GRWD1: variants seen among roughly 807,000 people sequenced by gnomAD.
GRWD1 encodes the protein glutamate-rich WD repeat-containing protein 1.
In GRWD1, 29 loss-of-function variants were observed where a neutral mutation model predicts 45.3. The observed-to-expected ratio is 0.64, with a 90% CI of 0.48 to 0.87. The LOEUF (loss-of-function observed/expected upper bound fraction) is 0.87. Among genes scored for constraint, GRWD1 ranks in the 40% least tolerant of loss-of-function variants. The probability of loss-of-function intolerance (pLI) is 0.00; values close to 1 mark genes in which losing one functional copy is unlikely to be tolerated. For synonymous variants in GRWD1, 262 were observed against 257.6 expected, an observed-to-expected ratio of 1.02 and a Z score of -0.16; for missense variants, 592 against 618.8, an observed-to-expected ratio of 0.96 and a Z score of 0.46.
At chr19:48,449,810 G>A (rs1255786499) in intron 3 of GRWD1, among the ~76,000 whole-genome samples, 1 of 152,144 alleles carries the variant, frequency 6.6e-6, no homozygotes, top group African/African-American at 2.4e-5. Flanking sequence ...AACAGAGCGG[G>A]ACCCTGTCTC....
chr19:48,452,620 C>A lies in GRWD1; in HGVS notation c.1024-88C>A. On this transcript the variant is annotated intron_variant, in intron 6 of 6. Coordinates refer to ENST00000253237, the MANE Select transcript of GRWD1 (RefSeq NM_031485.4). The surrounding 1 kb of genome is among the most constrained non-coding windows in gnomAD (Gnocchi z 5.1). ...GTGGGGCCCTGGCTGAACCCTGAGG[C>A]TGGAGAAGGGTTGGGGCTTCTGCCT... 1 of 1,154,016 alleles carries A rather than the reference C, an allele frequency of 8.7e-7. No homozygotes were observed. The highest frequency in any genetic ancestry group is 1.5e-5 in the South Asian group (1 of 67,172). 71.5% of individuals were successfully genotyped at this position (1,154,016 alleles called of 1,614,324 possible).
Position 48,454,906 on chromosome 19 carries a change from A to G in GRWD1, c.*1881A>G, listed in dbSNP as rs1452454569. ...TCTCTCTCTGCCTCTCTCTGTCTTC[A>G]CAATTTCATCTCCCCATGTCGCCAT... On this transcript the variant is annotated 3_prime_UTR_variant, in exon 7 of 7. Transcript: ENST00000253237. 1 of 150,356 alleles carries G rather than the reference A, an allele frequency of 6.7e-6. No homozygotes were observed. The highest frequency in any genetic ancestry group is 2.0e-4 in the East Asian group (1 of 5,082). The allele number at this position is 150,356 out of a possible 1,614,324, so 9.3% of individuals were successfully genotyped here.
Position 48,452,006 on chromosome 19 carries a change from C to T in GRWD1, c.1024-702C>T, listed in dbSNP as rs1971480405. Among the ~76,000 whole-genome samples the T allele has an allele frequency of 6.6e-6, 1 of 152,132 alleles. No homozygotes were observed. Among genetic ancestry groups the T allele is most frequent in the African/African-American group, 2.4e-5 (1 of 41,426 alleles). On this transcript the variant is annotated intron_variant, in intron 6 of 6. Transcript: ENST00000253237. The surrounding 1 kb of genome is among the most constrained non-coding windows in gnomAD (Gnocchi z 5.1). ...TCTTAGTCTTTCTTTGGGTCGGCTTCCGGGGATTGTGTTTCTGCCTCCTTT... is the reference window on the plus strand; with the variant it reads ...TCTTAGTCTTTCTTTGGGTCGGCTTTCGGGGATTGTGTTTCTGCCTCCTTT...
intron 1 of GRWD1, 78 bp from the exon 2 acceptor site, chr19:48,446,307 C>T (rs202023587): frequency 3.9e-6 from 6 of 1,548,958 alleles, no homozygotes; most frequent in Admixed American, 3.4e-5. Flanking sequence ...ATACCGGAGG[C>T]GGTTGATCCA....
chr19:48,447,434 G>A (rs1381851293), intron 3 of GRWD1, among the ~76,000 whole-genome samples: 5 of 151,582 alleles, frequency 3.3e-5, no homozygotes, highest in Non-Finnish European at 7.4e-5. Flanking sequence ...GTAGGGACGG[G>A]GTTTCACAAT....
At position 48,452,169 on chromosome 19, in the gene GRWD1, G is replaced by T. The variant is rs539637141; in HGVS notation, c.1024-539G>T. Among the ~76,000 whole-genome samples, 11 of 150,366 alleles carry T rather than the reference G, an allele frequency of 7.3e-5. No homozygotes were observed. The East Asian group carries it at 1.8e-3, about 24-fold the overall frequency. On this transcript the variant is annotated intron_variant, in intron 6 of 6. Coordinates refer to ENST00000253237, the MANE Select transcript of GRWD1 (RefSeq NM_031485.4). This position sits in a 1 kb window ranked among gnomAD's most constrained non-coding sequence, Gnocchi z 5.1. ...GGCTGGAGTGCAGTGGCGCAATCTCGGCTCACTGCAACCTCCCGCTCCTGG... is the reference window on the plus strand; with the variant it reads ...GGCTGGAGTGCAGTGGCGCAATCTCTGCTCACTGCAACCTCCCGCTCCTGG...
At position 48,450,755 on chromosome 19, in the gene GRWD1, G is replaced by A. The variant is rs779219307; in HGVS notation, c.772G>A (p.Val258Met). 4.3e-6 allele frequency: 7 copies of A among 1,613,952 alleles called. No individual in the cohort carries two copies. The highest frequency in any genetic ancestry group is 2.7e-5 in the African/African-American group (2 of 74,916). Reference sequence around the variant, plus strand: ...CTGGCACGTGGACCAGCGGCCATTCGTGGGCCACACACGCTCTGTGGAGGA... The same window carrying A: ...CTGGCACGTGGACCAGCGGCCATTCATGGGCCACACACGCTCTGTGGAGGA... ...GSWHVDQRPF[V>M]GHTRSVEDLQ... is the part of the protein sequence containing the mutation. The change falls in exon 5 of 7, where the codon GTG becomes ATG. Residue 258 changes from valine (V) to methionine (M), a missense_variant. Transcript: ENST00000253237. This position sits in a 1 kb window ranked among gnomAD's most constrained non-coding sequence, Gnocchi z 5.1.
rs775013075 is a variant in GRWD1, at chr19:48,446,067, C to T, written c.62C>T (p.Ser21Phe). ...CETGEPMEAE[S>F]GDTSSEGPAQ... is the part of the protein sequence containing the mutation. ...ACCGGGGAACCCATGGAAGCCGAGTCCGGCGACACAAGTTCCGAGGGCCCG... is the reference window on the plus strand; with the variant it reads ...ACCGGGGAACCCATGGAAGCCGAGTTCGGCGACACAAGTTCCGAGGGCCCG... Residue 21 changes from serine to phenylalanine, a missense_variant, in exon 1 of 7, where the codon TCC becomes TTC. By Grantham distance (155) the Ser-to-Phe change is radical (BLOSUM62 -2). Transcript: ENST00000253237. The T allele has an allele frequency of 6.3e-7, 1 of 1,597,378 alleles. No individual in the cohort carries two copies. The highest frequency in any genetic ancestry group is 8.5e-7 in the Non-Finnish European group (1 of 1,173,462).
Position 48,451,413 on chromosome 19 carries a change from C to T in GRWD1, c.1023+182C>T, listed in dbSNP as rs115875225. Among the ~76,000 whole-genome samples, 18 of 152,170 alleles carry T rather than the reference C, an allele frequency of 1.2e-4. 1 individual carries two copies. The highest frequency in any genetic ancestry group is 3.4e-4 in the African/African-American group (14 of 41,532). On this transcript the variant is annotated intron_variant, in intron 6 of 6. Coordinates refer to ENST00000253237, the MANE Select transcript of GRWD1 (RefSeq NM_031485.4). ...TGAGGCTCAGCAAGAGGAAGGGTGG[C>T]GGGTCTCCACTCTTGGGGTCACTCA...
Position 48,450,348 on chromosome 19 carries a change from G to A in GRWD1, c.504G>A (p.Val168=), listed in dbSNP as rs1971456299. 2 of 1,612,814 alleles carry A rather than the reference G, an allele frequency of 1.2e-6. No homozygotes were observed. Among genetic ancestry groups the A allele is most frequent in the Non-Finnish European group, 1.7e-6 (2 of 1,179,804 alleles). ...SWLGEEPVAG[V]WSEKGQVEVF... is the part of the protein sequence containing the mutation. ...TGGGTGAAGAGCCTGTGGCTGGGGTGTGGTCAGAGAAGGGCCAGGTGGAGG... is the reference window on the plus strand; with the variant it reads ...TGGGTGAAGAGCCTGTGGCTGGGGTATGGTCAGAGAAGGGCCAGGTGGAGG... Residue 168 remains valine (V), a synonymous_variant, in exon 4 of 7, where the codon GTG becomes GTA. Coordinates refer to ENST00000253237, the MANE Select transcript of GRWD1 (RefSeq NM_031485.4). The surrounding 1 kb of genome is among the most constrained non-coding windows in gnomAD (Gnocchi z 5.1).
At position 48,446,111 on chromosome 19, in the gene GRWD1, G is replaced by C. The variant is rs1971398209; in HGVS notation, c.106G>C (p.Gly36Arg). The C allele has an allele frequency of 6.3e-7, 1 of 1,592,718 alleles. No homozygotes were observed. Among genetic ancestry groups the C allele is most frequent in the Non-Finnish European group, 8.5e-7 (1 of 1,172,482 alleles). ...SEGPAQVYLPGRGPPLREGEE... is the reference protein window; with the variant it reads ...SEGPAQVYLPRRGPPLREGEE... ...GGGCCCGGCCCAGGTCTACCTGCCC[G>C]GCCGGGGGCCGCCGCTACGCGAAGG... Residue 36 changes from glycine (G) to arginine (R), a missense_variant, in exon 1 of 7, where the codon GGC (glycine) becomes CGC (arginine). Physicochemically the swap from Gly to Arg is moderately radical, Grantham distance 125. Transcript: ENST00000253237.
chr19:48,450,548 G>C lies in GRWD1; in HGVS notation c.682+22G>C. 1 of 1,612,790 alleles carries C rather than the reference G, an allele frequency of 6.2e-7. No homozygotes were observed. The highest frequency in any genetic ancestry group is 2.2e-5 in the East Asian group (1 of 44,850). On this transcript the variant is annotated intron_variant, in intron 4 of 6. Coordinates refer to ENST00000253237, the MANE Select transcript of GRWD1 (RefSeq NM_031485.4). This position sits in a 1 kb window ranked among gnomAD's most constrained non-coding sequence, Gnocchi z 5.1. Reference sequence around the variant, plus strand: ...ACCGGTGAGTCCCTGGGGTGTTCAGGAGTCCCGGGAGGTCGGGGGAGCAGG... The same window carrying C: ...ACCGGTGAGTCCCTGGGGTGTTCAGCAGTCCCGGGAGGTCGGGGGAGCAGG...
chr19:48,446,032 C>G lies in GRWD1; in HGVS notation c.27C>G (p.Arg9=). ...TGGCGGCGCGCAAGGGTCGGCGGCG[C>G]ACGTGTGAAACCGGGGAACCCATGG... The part of the protein sequence containing the change: MAARKGRR[R]TCETGEPMEA... Residue 9 remains arginine, a synonymous_variant, in exon 1 of 7, where the codon CGC becomes CGG. Transcript: ENST00000253237. 6.3e-7 allele frequency: 1 copy of G among 1,594,892 alleles called. No homozygotes were observed. The highest frequency in any genetic ancestry group is 1.1e-5 in the South Asian group (1 of 88,102).
intron 3 of GRWD1, among the ~76,000 whole-genome samples, chr19:48,447,533 A>T (rs1376472814): frequency 2.0e-5 from 3 of 152,054 alleles, no homozygotes; most frequent in African/African-American, 7.2e-5. Context: ...GAGCCACCGC[A>T]TCTGGCCAAT....
At position 48,450,823 on chromosome 19, in the gene GRWD1, G is replaced by A. The variant is rs774155033; in HGVS notation, c.825+15G>A. 9.9e-6 allele frequency: 16 copies of A among 1,608,078 alleles called. No individual in the cohort carries two copies. The highest frequency in any genetic ancestry group is 1.2e-5 in the Non-Finnish European group (14 of 1,176,774). On this transcript the variant is annotated intron_variant, in intron 5 of 6. Coordinates refer to ENST00000253237, the MANE Select transcript of GRWD1 (RefSeq NM_031485.4). This position sits in a 1 kb window ranked among gnomAD's most constrained non-coding sequence, Gnocchi z 5.1. ...CTGAGAACACGGTGAGGGAGGGTGG[G>A]GTTCTGGTCGTTTAGTTCTGATGGA... is the stretch of plus-strand genomic sequence containing the variant.
At chr19:48,448,704 A>G (rs567104215) in intron 3 of GRWD1, among the ~76,000 whole-genome samples, 18 of 152,354 alleles carry the variant, frequency 1.2e-4, no homozygotes, top group African/African-American at 4.3e-4. Flanking sequence ...AAGGAAAAAC[A>G]CAAGTTCAAA....
intron 3 of GRWD1, among the ~76,000 whole-genome samples, chr19:48,448,854 C>T (rs1206545812): frequency 6.6e-6 from 1 of 152,048 alleles, no homozygotes; most frequent in Non-Finnish European, 1.5e-5. Flanking sequence ...AGAGCCTTGT[C>T]GGCCACTGTA....
rs770910235 is a variant in GRWD1, at chr19:48,450,819, G to T, written c.825+11G>T. 7 of 1,610,518 alleles carry T rather than the reference G, an allele frequency of 4.3e-6. No homozygotes were observed. In the Admixed American group the frequency reaches 1.2e-4, roughly 27 times the overall value. ...CCGACTGAGAACACGGTGAGGGAGGGTGGGGTTCTGGTCGTTTAGTTCTGA... is the reference window on the plus strand; with the variant it reads ...CCGACTGAGAACACGGTGAGGGAGGTTGGGGTTCTGGTCGTTTAGTTCTGA... On this transcript the variant is annotated intron_variant, in intron 5 of 6. Transcript: ENST00000253237. The surrounding 1 kb of genome is among the most constrained non-coding windows in gnomAD (Gnocchi z 5.1).
Position 48,452,966 on chromosome 19 carries a change from G to T in GRWD1, c.1282G>T (p.Gly428Trp). 6.2e-7 allele frequency: 1 copy of T among 1,611,064 alleles called. No homozygotes were observed. ...GCTGCACTGGCACCCGCAGTGCCCAGGGCTCCTGGTCAGCACGGCGCTGTC... is the reference window on the plus strand; with the variant it reads ...GCTGCACTGGCACCCGCAGTGCCCATGGCTCCTGGTCAGCACGGCGCTGTC... ...KELHWHPQCP[G>W]LLVSTALSGF... The change falls in exon 7 of 7, where the codon GGG (glycine) becomes TGG (tryptophan). Residue 428 changes from glycine to tryptophan, a missense_variant. Transcript: ENST00000253237. The surrounding 1 kb of genome is among the most constrained non-coding windows in gnomAD (Gnocchi z 5.1).
Sources: allele counts gnomAD v4.1 joint callset (sites outside exome capture counted in the v4.1 genomes callset), GRCh38; gene constraint gnomAD v4.1.1; non-coding constraint Gnocchi (gnomAD v3.1); transcripts MANE v1.5; gene names NCBI Gene and HGNC (gene_info 2026-07-23, HGNC 2026-07-21).